Variants in CD163L1 observed in about 807,000 individuals in gnomAD.
CD163L1 encodes the protein scavenger receptor cysteine-rich type 1 protein M160.
In CD163L1, 124 loss-of-function variants were observed where a neutral mutation model predicts 165.4. The observed-to-expected ratio is 0.75, with a 90% CI of 0.65 to 0.87. The LOEUF (loss-of-function observed/expected upper bound fraction) is 0.87, where lower values mean the gene tolerates loss of function less well. Among genes scored for constraint, CD163L1 ranks in the 40% least tolerant of loss-of-function variants. CD163L1 has a pLI of 0.00. For synonymous variants in CD163L1, 585 were observed against 662.2 expected (o/e 0.88, Z 1.79); for missense variants, 1,525 against 1,799.9 (o/e 0.85, Z 2.76).
chr12:7,354,296 CTA>C (rs2136367690), downstream of CD163L1, among the ~76,000 whole-genome samples: 1 of 152,112 alleles, frequency 6.6e-6, no homozygotes, highest in African/African-American at 2.4e-5. Flanking sequence ...ATACTTGTTA[CTA>C]TATGTGTTAT....
At chr12:7,364,205 T>C (rs1342573318) in intron 18 of CD163L1, among the ~76,000 whole-genome samples, 1 of 152,076 alleles carries the variant, frequency 6.6e-6, no homozygotes, top group Non-Finnish European at 1.5e-5. Flanking sequence ...ATCATGCCAA[T>C]AGATGCTAAA....
intron 6 of CD163L1, among the ~76,000 whole-genome samples, chr12:7,399,215 C>T (rs754465123): frequency 1.3e-4 from 18 of 142,570 alleles, no homozygotes; most frequent in African/African-American, 4.7e-4. Flanking sequence ...CTCTTTTTTT[C>T]TTCCTTTCTC....
the CD163L1 span, among the ~76,000 whole-genome samples, chr12:7,337,239 C>A: frequency 6.6e-6 from 1 of 152,150 alleles, no homozygotes; most frequent in Non-Finnish European, 1.5e-5. Context: ...TAGGCAATAC[C>A]ATTCAGGACA....
intron 8 of CD163L1, among the ~76,000 whole-genome samples, chr12:7,382,679 G>A (rs145745405): frequency 6.6e-6 from 1 of 152,270 alleles, no homozygotes; most frequent in African/African-American, 2.4e-5. Flanking sequence ...TTGTTCCAGA[G>A]GGGGAGTTTG....
chr12:7,406,946 A>C, intron 4 of CD163L1, 94 bp from the exon 5 acceptor site: 1 of 1,104,934 alleles, frequency 9.1e-7, no homozygotes, highest in Non-Finnish European at 1.3e-6. Context: ...CAAATATATA[A>C]TAAATTGAGA....
the CD163L1 span, among the ~76,000 whole-genome samples, chr12:7,332,832 C>T: frequency 3.9e-5 from 6 of 152,086 alleles, no homozygotes; most frequent in Admixed American, 3.9e-4. Flanking sequence ...CAAAAACATG[C>T]CAAATTGTAA....
chr12:7,328,268 G>A, the CD163L1 span: 7 of 1,552,994 alleles, frequency 4.5e-6, no homozygotes, highest in African/African-American at 2.7e-5. Flanking sequence ...GTCTCATCAC[G>A]TTTTTTTCTG....
At chr12:7,361,443 A>G (rs1946888647) in intron 18 of CD163L1, among the ~76,000 whole-genome samples, 1 of 152,248 alleles carries the variant, frequency 6.6e-6, no homozygotes, top group African/African-American at 2.4e-5. Flanking sequence ...TCCCCAAACT[A>G]TTTGCATAAC....
At chr12:7,412,515 T>C (rs1331591160) in intron 4 of CD163L1, among the ~76,000 whole-genome samples, 1 of 152,086 alleles carries the variant, frequency 6.6e-6, no homozygotes, top group Non-Finnish European at 1.5e-5. Flanking sequence ...ATATGCATAA[T>C]AAAAACATTT....
chr12:7,413,091 CAAAAAAAAAAAAA>C (rs111943372), intron 4 of CD163L1, among the ~76,000 whole-genome samples: 1 of 39,546 alleles, frequency 2.5e-5, no homozygotes, highest in African/African-American at 7.6e-5. Flanking sequence ...GACTCCATCT[CAAAAAAAAAAAAA>C]AAAAAAAAAG....
Position 7,388,137 on chromosome 12 carries a change from T to C in CD163L1, c.2050+7958A>G, listed in dbSNP as rs145037827. On this transcript the variant is annotated intron_variant, in intron 8 of 19. Transcript: ENST00000313599. ...AAAAATCAAAGGAAAATGGATTAAA[T>C]ACTTAAATGTAACACATCAACCTAT... 7.5e-3 allele frequency among the ~76,000 whole-genome samples: 1,142 copies of C among 152,244 alleles called. 7 individuals carry two copies. Among genetic ancestry groups the C allele is most frequent in the Middle Eastern group, 0.027 (8 of 294 alleles).
the CD163L1 span, chr12:7,323,354 G>C: frequency 6.3e-7 from 1 of 1,596,080 alleles, no homozygotes; most frequent in Non-Finnish European, 8.6e-7. Flanking sequence ...GTAAAGGAGA[G>C]AGAACGTTTT....
intron 19 of CD163L1, 145 bp downstream of exon 19, chr12:7,357,235 G>A (rs2136374662): frequency 1.8e-6 from 1 of 544,518 alleles, no homozygotes; most frequent in East Asian, 3.1e-5. Flanking sequence ...TTTTCCAGAG[G>A]TTAACATAGA....
downstream of CD163L1, among the ~76,000 whole-genome samples, chr12:7,344,191 T>C (rs1049616009): frequency 7.2e-5 from 11 of 151,856 alleles, no homozygotes; most frequent in Admixed American, 2.0e-4. Context: ...AGTGATCCTC[T>C]TACCTCAGCC....
At chr12:7,387,170 T>C (rs149267459) in intron 8 of CD163L1, among the ~76,000 whole-genome samples, 86 of 152,260 alleles carry the variant, frequency 5.6e-4, no homozygotes, top group African/African-American at 1.8e-3. Flanking sequence ...AGCATTTCTA[T>C]ACACCAATAA....
chr12:7,331,762 C>G, the CD163L1 span, among the ~76,000 whole-genome samples: 1 of 152,094 alleles, frequency 6.6e-6, no homozygotes, highest in Non-Finnish European at 1.5e-5. Flanking sequence ...GAAAGGACAT[C>G]CACACCAAAA....
chr12:7,374,825 G>T lies in CD163L1; in HGVS notation c.3094+6C>A. 6.2e-7 allele frequency: 1 copy of T among 1,614,102 alleles called. No homozygotes were observed. The highest frequency in any genetic ancestry group is 8.5e-7 in the Non-Finnish European group (1 of 1,179,970). ...TGCAGTGTTTCCTAAAACTGATTCT[G>T]CTTACCTAAGCAGATCAAAGCACTG... On this transcript the variant is annotated splice_donor_region_variant and intron_variant, in intron 12 of 19. Coordinates refer to ENST00000313599, the MANE Select transcript of CD163L1 (RefSeq NM_174941.6). This position sits in a 1 kb window ranked among gnomAD's most constrained non-coding sequence, Gnocchi z 5.4.
At position 7,347,818 on chromosome 12, in the gene CD163L1, G is replaced by A. The variant is rs147153452; in HGVS notation, c.*25-671C>T. On this transcript the variant is annotated intron_variant, in intron 4 of 4. Transcript: ENST00000539726. This position sits in a 1 kb window ranked among gnomAD's most constrained non-coding sequence, Gnocchi z 4.2. ...GGTCTCTTATGCTAAGGATGCCATG[G>A]AATAAAACAACCAGAAACTTCTCAA... Among the ~76,000 whole-genome samples, 2 of 152,006 alleles carry A rather than the reference G, an allele frequency of 1.3e-5. No individual in the cohort carries two copies. The highest frequency in any genetic ancestry group is 4.8e-5 in the African/African-American group (2 of 41,506).
At position 7,374,180 on chromosome 12, in the gene CD163L1, T is replaced by C. The variant is rs996550327; in HGVS notation, c.3409+262A>G. On this transcript the variant is annotated intron_variant, in intron 13 of 19. Transcript: ENST00000313599. This position sits in a 1 kb window ranked among gnomAD's most constrained non-coding sequence, Gnocchi z 5.4. The stretch of plus-strand genomic sequence containing the variant: ...GTTCTCAGAGCCAGAGTGGATGTCA[T>C]GTAAGGTCCCTTTCTTGGGGTCTAA... 2.0e-5 allele frequency among the ~76,000 whole-genome samples: 3 copies of C among 152,232 alleles called. No homozygotes were observed. The highest frequency in any genetic ancestry group is 7.2e-5 in the African/African-American group (3 of 41,466).
Sources: gnomAD v4.1 joint callset for allele counts (sites outside exome capture counted in the v4.1 genomes callset) on GRCh38, gnomAD v4.1.1 for gene constraint, Gnocchi (gnomAD v3.1) non-coding constraint, MANE v1.5 for transcripts, NCBI Gene and HGNC (gene_info 2026-07-23, HGNC 2026-07-21) for gene names.